The following CYB5B variants were observed in gnomAD, a reference collection of about 807,000 sequenced individuals.
CYB5B encodes the protein cytochrome b5 type B, also known as cytochrome b5 type B (outer mitochondrial membrane).
A neutral mutation model predicts 21.3 loss-of-function variants in CYB5B; 14 were observed. The observed-to-expected ratio is 0.66, with a 90% CI of 0.43 to 1.03. The LOEUF (loss-of-function observed/expected upper bound fraction) is 1.03. Among genes scored for constraint, CYB5B ranks in the 50% least tolerant of loss-of-function variants. CYB5B has a pLI of 0.00. For missense variants in CYB5B, 166 were observed against 185.1 expected, an observed-to-expected ratio of 0.90 and a Z score of 0.60; for synonymous variants, 69 against 68.4, an observed-to-expected ratio of 1.01 and a Z score of -0.04.
chr16:69,457,928 A>G (rs1325548713), intron 3 of CYB5B, among the ~76,000 whole-genome samples: 2 of 152,136 alleles, frequency 1.3e-5, no homozygotes, highest in Non-Finnish European at 2.9e-5. Context: ...GATTATTGAA[A>G]ACGGTGGTTA....
rs964051675 is a variant in CYB5B at position 69,424,865 on chromosome 16, C to T, written c.174+8C>T. 57 of 1,565,490 alleles carry T rather than the reference C, an allele frequency of 3.6e-5. No individual in the cohort carries two copies. Among genetic ancestry groups the T allele is most frequent in the Non-Finnish European group, 4.6e-5 (53 of 1,154,110 alleles). ...ACCCGCTTCCTCAACGAGGTGGGGC[C>T]TGGGAGGTGGGAGGCCTCTGAAGCT... On this transcript the variant is annotated splice_region_variant and intron_variant, in intron 1 of 4. Transcript: ENST00000307892.
intron 1 of CYB5B, among the ~76,000 whole-genome samples, chr16:69,427,511 G>C (rs2014660485): frequency 6.6e-6 from 1 of 151,828 alleles, no homozygotes; most frequent in African/African-American, 2.4e-5. Flanking sequence ...TTGAGCTGCA[G>C]CTCTTTACCT....
chr16:69,456,029 A>G (rs2014981051), intron 3 of CYB5B, among the ~76,000 whole-genome samples: 1 of 152,196 alleles, frequency 6.6e-6, no homozygotes, highest in South Asian at 2.1e-4. Context: ...GGGCTTGAAG[A>G]TATTAGATAT....
At chr16:69,441,153 CTTTTTTT>C (rs533158390) in intron 1 of CYB5B, among the ~76,000 whole-genome samples, 1 of 133,334 alleles carries the variant, frequency 7.5e-6, no homozygotes, top group Non-Finnish European at 1.6e-5. Flanking sequence ...TTACTTCTCT[CTTTTTTT>C]TTTTTTTTTT....
chr16:69,429,332 T>G (rs959436558), intron 1 of CYB5B, among the ~76,000 whole-genome samples: 6 of 152,200 alleles, frequency 3.9e-5, no homozygotes, highest in Admixed American at 1.3e-4. Flanking sequence ...CCAGCTTTTA[T>G]TCCCTTATTT....
intron 2 of CYB5B, among the ~76,000 whole-genome samples, chr16:69,447,764 A>G (rs889930902): frequency 6.6e-6 from 1 of 152,188 alleles, no homozygotes; most frequent in African/African-American, 2.4e-5. Context: ...CAGGTAGCAC[A>G]TGTAATATCT....
intron 2 of CYB5B, 46 bp downstream of exon 2, chr16:69,447,324 T>C (rs1312810965): frequency 6.3e-7 from 1 of 1,598,052 alleles, no homozygotes; most frequent in Admixed American, 1.7e-5. Context: ...GAAAACTACT[T>C]AACAGCTGCA....
At chr16:69,457,427 G>C (rs990467004) in intron 3 of CYB5B, among the ~76,000 whole-genome samples, 2 of 151,872 alleles carry the variant, frequency 1.3e-5, no homozygotes, top group Admixed American at 1.3e-4. Context: ...TACATTTTTT[G>C]TCTATAAATC....
At chr16:69,442,804 G>A (rs1567472515) in intron 1 of CYB5B, among the ~76,000 whole-genome samples, 1 of 149,790 alleles carries the variant, frequency 6.7e-6, no homozygotes, top group Admixed American at 6.6e-5. Context: ...ATACAGGTGT[G>A]AGCCACTGTG....
chr16:69,427,396 CT>C (rs76402973), intron 1 of CYB5B, among the ~76,000 whole-genome samples: 37 of 146,818 alleles, frequency 2.5e-4, no homozygotes, highest in Non-Finnish European at 3.0e-4. Flanking sequence ...CTGTTTCTTT[CT>C]TTTTTTTTTT....
chr16:69,426,699 CAA>C (rs11434223), intron 1 of CYB5B, among the ~76,000 whole-genome samples: 5 of 95,590 alleles, frequency 5.2e-5, no homozygotes, highest in Admixed American at 5.2e-4. Flanking sequence ...AGCGAGACTC[CAA>C]AAAAAAAAAA....
intron 3 of CYB5B, chr16:69,449,641 T>C (rs1478909150): frequency 6.6e-6 from 1 of 152,240 alleles, no homozygotes; most frequent in Non-Finnish European, 1.5e-5. Flanking sequence ...TCTGTTCTTG[T>C]ATCACCTCAG....
At chr16:69,450,079 G>C (rs1015601441) in intron 3 of CYB5B, 2 of 152,082 alleles carry the variant, frequency 1.3e-5, no homozygotes, top group African/African-American at 4.8e-5. Context: ...AATTAGCTGA[G>C]CATTATAATG....
chr16:69,457,954 C>A (rs2014998085), intron 3 of CYB5B, among the ~76,000 whole-genome samples: 1 of 152,092 alleles, frequency 6.6e-6, no homozygotes, highest in Non-Finnish European at 1.5e-5. Context: ...AGCTAATATT[C>A]CATGTTCATA....
intron 1 of CYB5B, among the ~76,000 whole-genome samples, chr16:69,425,877 C>T (rs1277843343): frequency 2.0e-5 from 3 of 152,154 alleles, no homozygotes; most frequent in Admixed American, 2.0e-4. Flanking sequence ...TGAAAGTTCA[C>T]TTCTATTTCT....
At chr16:69,427,724 G>A (rs542910800) in intron 1 of CYB5B, among the ~76,000 whole-genome samples, 26 of 152,168 alleles carry the variant, frequency 1.7e-4, no homozygotes, top group Admixed American at 1.6e-3. Flanking sequence ...CTGGCTGGGT[G>A]TGGGCTCATA....
At chr16:69,455,170 A>T (rs2014971372) in intron 3 of CYB5B, among the ~76,000 whole-genome samples, 1 of 152,150 alleles carries the variant, frequency 6.6e-6, no homozygotes, top group African/African-American at 2.4e-5. Context: ...CTGGGATTAT[A>T]GGCATGAGCC....
intron 1 of CYB5B, among the ~76,000 whole-genome samples, chr16:69,432,995 G>A (rs2014721878): frequency 6.6e-6 from 1 of 152,058 alleles, no homozygotes; most frequent in Non-Finnish European, 1.5e-5. Context: ...ACGGGGTTTT[G>A]CCGTGTTGGC....
At chr16:69,454,287 A>T (rs2014962943) in intron 3 of CYB5B, among the ~76,000 whole-genome samples, 2 of 151,994 alleles carry the variant, frequency 1.3e-5, no homozygotes, top group African/African-American at 4.8e-5. Context: ...TAACGGTTTG[A>T]CTCTAGGATT....
Sources: gnomAD v4.1 joint callset for allele counts (sites outside exome capture counted in the v4.1 genomes callset) on GRCh38, gnomAD v4.1.1 for gene constraint, MANE v1.5 for transcripts, NCBI Gene and HGNC (gene_info 2026-07-23, HGNC 2026-07-21) for gene names.